Variants in PTBP3 observed in about 807,000 individuals in gnomAD.
The protein encoded by PTBP3 is polypyrimidine tract binding protein 3.
In PTBP3, 20 loss-of-function variants were observed where a neutral mutation model predicts 58.7. That is an observed-to-expected ratio of 0.34 (90% CI 0.24 to 0.50). The LOEUF is 0.50. Ranked by LOEUF, PTBP3 falls within the 20% of genes least tolerant of loss-of-function variation. The pLI is 0.98. For missense variants in PTBP3, 509 were observed against 637.2 expected, an observed-to-expected ratio of 0.80 and a Z score of 2.17; for synonymous variants, 185 against 219.8, an observed-to-expected ratio of 0.84 and a Z score of 1.40.
At chr9:112,364,431 T>A in the PTBP3 span, among the ~76,000 whole-genome samples, 1 of 152,042 alleles carries the variant, frequency 6.6e-6, no homozygotes, top group Non-Finnish European at 1.5e-5. Flanking sequence ...AACCGAGGTG[T>A]GTGGATCATT....
At chr9:112,311,587 C>T (rs1468857983) in intron 1 of PTBP3, among the ~76,000 whole-genome samples, 1 of 152,024 alleles carries the variant, frequency 6.6e-6, no homozygotes, top group Non-Finnish European at 1.5e-5. Flanking sequence ...TATACAGAGC[C>T]AACTGGAGAA....
At chr9:112,376,759 T>G in the PTBP3 span, among the ~76,000 whole-genome samples, 1 of 152,126 alleles carries the variant, frequency 6.6e-6, no homozygotes, top group African/African-American at 2.4e-5. Flanking sequence ...TTATATTCAC[T>G]GGCAGCTGAT....
upstream of PTBP3, chr9:112,333,705 G>A: frequency 3.4e-6 from 1 of 297,302 alleles, no homozygotes; most frequent in Non-Finnish European, 5.4e-6. Flanking sequence ...CGCCTAGCCC[G>A]ACCCCGCCCC....
intron 4 of PTBP3, among the ~76,000 whole-genome samples, chr9:112,264,408 T>C (rs1254710006): frequency 6.6e-6 from 1 of 152,222 alleles, no homozygotes; most frequent in Non-Finnish European, 1.5e-5. Flanking sequence ...TCTCAGAATA[T>C]GACCTAAATT....
chr9:112,375,709 G>A, the PTBP3 span, among the ~76,000 whole-genome samples: 1 of 152,112 alleles, frequency 6.6e-6, no homozygotes. Context: ...GCCCAATCAT[G>A]CATATAACAC....
the PTBP3 span, among the ~76,000 whole-genome samples, chr9:112,373,356 G>A: frequency 1.3e-5 from 2 of 152,146 alleles, no homozygotes; most frequent in South Asian, 4.1e-4. Flanking sequence ...AAAGATGTAG[G>A]CTAGGAGGCT....
At chr9:112,239,578 G>A (rs1835562368) in intron 7 of PTBP3, among the ~76,000 whole-genome samples, 2 of 151,600 alleles carry the variant, frequency 1.3e-5, no homozygotes, top group African/African-American at 4.8e-5. Context: ...TAAAAACTTT[G>A]AAATTAGCCA....
Position 112,231,988 on chromosome 9 carries a change from AGAG to A in PTBP3, c.1020+108_1020+110del, listed in dbSNP as rs1216976768. 7 of 514,516 alleles carry A rather than the reference AGAG, an allele frequency of 1.4e-5. No individual in the cohort carries two copies. The South Asian group carries it at 1.4e-4, about 11-fold the overall frequency. The allele number at this position is 514,516 out of a possible 1,614,324, so 31.9% of individuals were successfully genotyped here. On this transcript the variant is annotated intron_variant, in intron 9 of 13. Transcript: ENST00000374257. ...AGAAGAGAGAAGAGAAGAGAAGAGA[AGAG>A]AAGAGAAGAGAAGAGAAGAGAAGAG...
At chr9:112,314,414 A>G (rs1389008679) in intron 1 of PTBP3, among the ~76,000 whole-genome samples, 1 of 152,234 alleles carries the variant, frequency 6.6e-6, no homozygotes, top group Non-Finnish European at 1.5e-5. Flanking sequence ...CTGACAGAAC[A>G]GCTGGGTGCA....
the PTBP3 span, among the ~76,000 whole-genome samples, chr9:112,359,181 C>T: frequency 6.6e-6 from 1 of 151,916 alleles, no homozygotes; most frequent in African/African-American, 2.4e-5. Context: ...GTGGCTCATG[C>T]CTTAATCCCA....
intron 5 of PTBP3, among the ~76,000 whole-genome samples, chr9:112,256,807 G>C (rs1389039071): frequency 6.6e-6 from 1 of 151,814 alleles, no homozygotes; most frequent in East Asian, 1.9e-4. Context: ...ATAGGCCTGA[G>C]CTACTGCACC....
chr9:112,255,016 C>A (rs1018085095), intron 5 of PTBP3, among the ~76,000 whole-genome samples: 7 of 152,136 alleles, frequency 4.6e-5, no homozygotes, highest in Non-Finnish European at 1.0e-4. Context: ...TATATACATA[C>A]AACTGAATAT....
intron 1 of PTBP3, among the ~76,000 whole-genome samples, chr9:112,319,609 A>G (rs1829840615): frequency 1.3e-5 from 2 of 152,226 alleles, no homozygotes; most frequent in African/African-American, 2.4e-5. Context: ...TATGGAAAAC[A>G]GTATGGAAGT....
At chr9:112,330,582 A>G in intron 1 of PTBP3, 1 of 691,756 alleles carries the variant, frequency 1.4e-6, no homozygotes, top group Admixed American at 3.5e-5. Flanking sequence ...AATAACAAAT[A>G]ATAAAAATAA....
At chr9:112,352,366 T>A in the PTBP3 span, among the ~76,000 whole-genome samples, 484 of 152,332 alleles carry the variant, frequency 3.2e-3, 2 homozygotes, top group Middle Eastern at 6.8e-3. Context: ...AGGATTTTAA[T>A]CTTCTAGTGC....
At chr9:112,308,379 A>C (rs914124888) in intron 1 of PTBP3, among the ~76,000 whole-genome samples, 2 of 121,864 alleles carry the variant, frequency 1.6e-5, no homozygotes, top group East Asian at 2.4e-4. Flanking sequence ...AAAAAAAAAA[A>C]AACTTTTCTT....
At chr9:112,291,841 G>A (rs912297012) in intron 2 of PTBP3, among the ~76,000 whole-genome samples, 3 of 152,146 alleles carry the variant, frequency 2.0e-5, no homozygotes, top group Admixed American at 6.5e-5. Flanking sequence ...AAATGCACAA[G>A]CAACAAAAGA....
At position 112,244,289 on chromosome 9, in the gene PTBP3, C is replaced by CAAAAAAAAAAAAAAAAAAA. The variant is rs56052359; in HGVS notation, c.802+6639_802+6640insTTTTTTTTTTTTTTTTTTT. Among the ~76,000 whole-genome samples, 284 of 36,244 alleles carry CAAAAAAAAAAAAAAAAAAA rather than the reference C, an allele frequency of 7.8e-3. 50 individuals are homozygous for CAAAAAAAAAAAAAAAAAAA. Among genetic ancestry groups the CAAAAAAAAAAAAAAAAAAA allele is most frequent in the African/African-American group, 0.012 (118 of 9,464 alleles). The allele number at this position is 36,244 out of a possible 152,430, so 23.8% of individuals were successfully genotyped here. A position where few individuals can be genotyped will look rare whatever the true frequency, so the allele number is the denominator to read the frequency against. On this transcript the variant is annotated intron_variant, in intron 7 of 13. Transcript: ENST00000374257. ...TGGGCAACAGAGTGAGACTCTGTCT[C>CAAAAAAAAAAAAAAAAAAA]AAAAAAAAAAAAAAAAAAGTTCTCA...
At chr9:112,238,353 A>G (rs1318636161) in intron 7 of PTBP3, among the ~76,000 whole-genome samples, 1 of 152,210 alleles carries the variant, frequency 6.6e-6, no homozygotes, top group Non-Finnish European at 1.5e-5. Context: ...CAAGCTGAAG[A>G]GCGTCATCAG....
Sources: allele counts gnomAD v4.1 joint callset (sites outside exome capture counted in the v4.1 genomes callset), GRCh38; gene constraint gnomAD v4.1.1; transcripts MANE v1.5; gene names NCBI Gene and HGNC (gene_info 2026-07-23, HGNC 2026-07-21).